The following GNAL variants were observed in gnomAD, a reference collection of about 807,000 sequenced individuals.
GNAL encodes guanine nucleotide-binding protein G(olf) subunit alpha.
A neutral mutation model predicts 55.1 loss-of-function variants in GNAL; 18 were observed. That is an observed-to-expected ratio of 0.33 (90% CI 0.23 to 0.48). The LOEUF (loss-of-function observed/expected upper bound fraction) is 0.48, where lower values mean the gene tolerates loss of function less well. Among genes scored for constraint, GNAL ranks in the 20% least tolerant of loss-of-function variants. GNAL has a pLI of 0.99. For synonymous variants in GNAL, 253 were observed against 237.0 expected, an observed-to-expected ratio of 1.07 and a Z score of -0.62; for missense variants, 412 against 614.1, an observed-to-expected ratio of 0.67 and a Z score of 3.48.
chr18:11,872,236 T>G, intron 9 of GNAL, 32 bp from the exon 10 acceptor site: 3 of 1,495,268 alleles, frequency 2.0e-6, no homozygotes, highest in Non-Finnish European at 1.8e-6. Flanking sequence ...CTAGTGTATG[T>G]GAAATTTGTA....
intron 4 of GNAL, among the ~76,000 whole-genome samples, chr18:11,765,014 C>T (rs2033361175): frequency 6.6e-6 from 1 of 152,094 alleles, no homozygotes; most frequent in South Asian, 2.1e-4. Context: ...CAGGCTGCCC[C>T]ATAAAAATAC....
intron 5 of GNAL, among the ~76,000 whole-genome samples, chr18:11,840,198 T>C (rs1205265733): frequency 6.6e-6 from 1 of 152,238 alleles, no homozygotes; most frequent in African/African-American, 2.4e-5. Context: ...GTGCATGGGA[T>C]GCTCGTATTT....
chr18:11,851,552 C>A (rs753226487), intron 5 of GNAL: 20 of 1,607,704 alleles, frequency 1.2e-5, no homozygotes, highest in Non-Finnish European at 1.7e-5. Context: ...CTGAAGTTCG[C>A]GGCCAAAGAA....
At position 11,885,109 on chromosome 18, in the gene GNAL, AC is replaced by A. The variant is rs1598469732; in HGVS notation, c.*3975del. 1 of 1,153,258 alleles carries A rather than the reference AC, an allele frequency of 8.7e-7. No homozygotes were observed. Among genetic ancestry groups the A allele is most frequent in the East Asian group, 6.2e-5 (1 of 16,056 alleles). 71.4% of individuals were successfully genotyped at this position (1,153,258 alleles called of 1,614,324 possible). The stretch of plus-strand genomic sequence containing the variant: ...TTTGCAGATACTTTTATGTGGAACA[AC>A]AGTGGCAAATGTTTTCATTTACTTT... On this transcript the variant is annotated 3_prime_UTR_variant, in exon 12 of 12. Transcript: ENST00000334049.
chr18:11,720,352 A>G (rs1469339235), intron 1 of GNAL, among the ~76,000 whole-genome samples: 3 of 152,374 alleles, frequency 2.0e-5, no homozygotes, highest in South Asian at 4.1e-4. Flanking sequence ...TCTACTAATA[A>G]AAAGAATGCA....
chr18:11,836,748 G>A (rs2035506707), intron 5 of GNAL, among the ~76,000 whole-genome samples: 1 of 151,908 alleles, frequency 6.6e-6, no homozygotes, highest in Admixed American at 6.6e-5. Context: ...GACTACTTTA[G>A]ATTAAAAGTT....
At chr18:11,813,869 C>T (rs2034886743) in intron 4 of GNAL, among the ~76,000 whole-genome samples, 1 of 151,898 alleles carries the variant, frequency 6.6e-6, no homozygotes, top group South Asian at 2.1e-4. Context: ...CAGAGCAAGA[C>T]CCTGTGTCTA....
At position 11,782,326 on chromosome 18, in the gene GNAL, A is replaced by G. The variant is rs116826556; in HGVS notation, c.624+28381A>G. The stretch of plus-strand genomic sequence containing the variant: ...AGCTAGACTCCGTCTCAAAAGAAAA[A>G]AAGAAAAAGAAAAAGAATGAATTAC... On this transcript the variant is annotated intron_variant, in intron 4 of 11. Transcript: ENST00000334049. 6.3e-3 allele frequency among the ~76,000 whole-genome samples: 965 copies of G among 152,288 alleles called. 6 individuals are homozygous for G. The highest frequency in any genetic ancestry group is 0.022 in the African/African-American group (918 of 41,548).
chr18:11,698,900 C>A (rs2031489245), intron 1 of GNAL, among the ~76,000 whole-genome samples: 1 of 152,158 alleles, frequency 6.6e-6, no homozygotes, highest in Admixed American at 6.6e-5. Context: ...GAGGGAAATT[C>A]TTTAATGGCA....
intron 6 of GNAL, among the ~76,000 whole-genome samples, chr18:11,863,280 A>G (rs1006140190): frequency 3.3e-5 from 5 of 152,154 alleles, no homozygotes; most frequent in Non-Finnish European, 5.9e-5. Flanking sequence ...TCAATTCAGG[A>G]GACTTCAGGT....
At chr18:11,744,806 G>A (rs942175355) in intron 1 of GNAL, among the ~76,000 whole-genome samples, 1 of 152,222 alleles carries the variant, frequency 6.6e-6, no homozygotes, top group East Asian at 1.9e-4. Flanking sequence ...GACCTCCTGG[G>A]CTCCAGCAAT....
intron 5 of GNAL, among the ~76,000 whole-genome samples, chr18:11,830,042 G>C (rs2035343469): frequency 6.6e-6 from 1 of 152,078 alleles, no homozygotes; most frequent in South Asian, 2.1e-4. Context: ...TGCTCAGTCG[G>C]TGCTATCTGA....
intron 1 of GNAL, among the ~76,000 whole-genome samples, chr18:11,710,017 G>A (rs1287876132): frequency 3.3e-5 from 5 of 152,118 alleles, no homozygotes; most frequent in Admixed American, 6.5e-5. Flanking sequence ...ATGAAATGGT[G>A]TTGAATTTTG....
At chr18:11,742,672 A>G (rs949159589) in intron 1 of GNAL, among the ~76,000 whole-genome samples, 1 of 152,054 alleles carries the variant, frequency 6.6e-6, no homozygotes. Context: ...CCCTCTGCCT[A>G]TCCTTCTGCA....
At position 11,862,569 on chromosome 18, in the gene GNAL, A is replaced by G. The variant is rs2036171279; in HGVS notation, c.777+120A>G. ...ATCCTTAAGATACCTACTTTTTGCAAATTGTTTGTACTGCCCTGTGTGTGT... is the reference window on the plus strand; with the variant it reads ...ATCCTTAAGATACCTACTTTTTGCAGATTGTTTGTACTGCCCTGTGTGTGT... On this transcript the variant is annotated intron_variant, in intron 6 of 11. Transcript: ENST00000334049. 27 of 828,424 alleles carry G rather than the reference A, an allele frequency of 3.3e-5. No individual in the cohort carries two copies. The South Asian group carries it at 3.5e-4, about 11-fold the overall frequency. 51.3% of individuals were successfully genotyped at this position (828,424 alleles called of 1,614,324 possible).
chr18:11,796,600 A>AAAAAAAAAAAAAAC (rs1210327904), intron 4 of GNAL, among the ~76,000 whole-genome samples: 1 of 149,776 alleles, frequency 6.7e-6, no homozygotes, highest in African/African-American at 2.5e-5. Context: ...AAAAAACAAA[A>AAAAAAAAAAAAAAC]CACGCAACCT....
chr18:11,729,973 G>A (rs112493130), intron 1 of GNAL, among the ~76,000 whole-genome samples: 396 of 152,264 alleles, frequency 2.6e-3, no homozygotes, highest in African/African-American at 9.2e-3. Context: ...GTCATAGGTG[G>A]GTTTTAGGGA....
chr18:11,848,377 G>T (rs1345155743), intron 5 of GNAL, among the ~76,000 whole-genome samples: 1 of 152,106 alleles, frequency 6.6e-6, no homozygotes, highest in African/African-American at 2.4e-5. Context: ...AGCACAGAAA[G>T]TAGAGGTGTC....
chr18:11,746,980 GA>G (rs774955755), intron 1 of GNAL: 2 of 517,804 alleles, frequency 3.9e-6, no homozygotes, highest in Non-Finnish European at 7.8e-6. Flanking sequence ...AGTAGATTTG[GA>G]AGAACACAGA....
Sources: allele counts gnomAD v4.1 joint callset (sites outside exome capture counted in the v4.1 genomes callset), GRCh38; gene constraint gnomAD v4.1.1; transcripts MANE v1.5; gene names NCBI Gene and HGNC (gene_info 2026-07-23, HGNC 2026-07-21).